The following SLC35E2B variants were observed in gnomAD, a reference collection of about 807,000 sequenced individuals.
The protein encoded by SLC35E2B is solute carrier family 35 member E2B, also known as solute carrier family 35, member E2B.
A neutral mutation model predicts 32.4 loss-of-function variants in SLC35E2B; 18 were observed. The observed-to-expected ratio is 0.56, with a 90% CI of 0.38 to 0.82. The LOEUF (loss-of-function observed/expected upper bound fraction) is 0.82. SLC35E2B is among the 40% of genes least tolerant of loss of function. SLC35E2B has a pLI of 0.00. For missense variants in SLC35E2B, 263 were observed against 469.5 expected, an observed-to-expected ratio of 0.56 and a Z score of 4.06; for synonymous variants, 132 against 209.1, an observed-to-expected ratio of 0.63 and a Z score of 3.18.
In SLC35E2B at chr1:1,665,797, G is replaced by C. The variant is rs759585358; in HGVS notation, c.1203C>G (p.Pro401=). 1 of 1,550,728 alleles carries C rather than the reference G, an allele frequency of 6.4e-7. No homozygotes were observed. The highest frequency in any genetic ancestry group is 1.2e-5 in the South Asian group (1 of 84,024). ...DTVEPLLPQD[P]RQHP The stretch of plus-strand genomic sequence containing the variant: ...CTTCCTGCTCTCAGGGATGCTGCCT[G>C]GGGTCCTGTGGAAGCAGCGGCTCCA... Residue 401 remains proline, a synonymous_variant, in exon 10 of 10, where the codon CCC becomes CCG. Coordinates refer to ENST00000617444, the MANE Select transcript of SLC35E2B (RefSeq NM_001290264.2).
rs149300447 is a variant in SLC35E2B, at chr1:1,677,528, A to C, written c.-147-682T>G. 7.1e-3 allele frequency among the ~76,000 whole-genome samples: 1,056 copies of C among 149,162 alleles called. 13 individuals carry two copies. Among genetic ancestry groups the C allele is most frequent in the African/African-American group, 0.025 (995 of 40,412 alleles). ...AGTATTGCTCTGTCGCCCAGGCTGA[A>C]GTGCAGAGGCGTGATCTGGGCTCAC... On this transcript the variant is annotated intron_variant, in intron 2 of 9. Coordinates refer to ENST00000617444, the MANE Select transcript of SLC35E2B (RefSeq NM_001290264.2).
intron 2 of SLC35E2B, among the ~76,000 whole-genome samples, chr1:1,684,453 C>T (rs1643927182): frequency 6.6e-6 from 1 of 152,128 alleles, no homozygotes; most frequent in African/African-American, 2.4e-5. Context: ...CCCAAGTGGG[C>T]CTTGGAAATT....
Position 1,675,436 on chromosome 1 carries a change from C to T in SLC35E2B, c.586+27G>A, listed in dbSNP as rs563811119. On this transcript the variant is annotated intron_variant, in intron 5 of 9. Coordinates refer to ENST00000617444, the MANE Select transcript of SLC35E2B (RefSeq NM_001290264.2). ...GAGGCCTGGGATGGTGGGGCGCAGG[C>T]GGAGGGGCGGGGCCCGGGGGCCTCA... The T allele has an allele frequency of 5.0e-5, 80 of 1,611,050 alleles. 1 individual carries two copies. Among genetic ancestry groups the T allele is most frequent in the East Asian group, 2.2e-5 (1 of 44,824 alleles).
At chr1:1,682,288 C>T (rs1459581518) in intron 2 of SLC35E2B, among the ~76,000 whole-genome samples, 1 of 152,116 alleles carries the variant, frequency 6.6e-6, no homozygotes. Flanking sequence ...GGGCTCTTCA[C>T]ACCTTCTCAT....
intron 2 of SLC35E2B, among the ~76,000 whole-genome samples, chr1:1,679,060 C>G (rs759442864): frequency 6.6e-6 from 1 of 152,172 alleles, no homozygotes; most frequent in African/African-American, 2.4e-5. Context: ...ACCTCTCCCT[C>G]CCACCTCGAA....
At chr1:1,681,186 C>T (rs1232134646) in intron 2 of SLC35E2B, among the ~76,000 whole-genome samples, 1 of 151,860 alleles carries the variant, frequency 6.6e-6, no homozygotes, top group Non-Finnish European at 1.5e-5. Flanking sequence ...TCTAGTGAGA[C>T]CTTTCTTTCC....
chr1:1,674,800 C>T (rs1229293730), intron 5 of SLC35E2B, among the ~76,000 whole-genome samples: 2 of 152,144 alleles, frequency 1.3e-5, no homozygotes, highest in Non-Finnish European at 2.9e-5. Context: ...TTCCCTCGGC[C>T]TTAAGATCTT....
chr1:1,666,045 G>A lies in SLC35E2B; in HGVS notation c.981-26C>T, dbSNP rs1054972373. ...CTGCGGAGGCAAGGGGAGGCAGCAG[G>A]GGCGCTCAGGGCTATGGTCTCCTCA... On this transcript the variant is annotated intron_variant, in intron 9 of 9. Transcript: ENST00000617444. The A allele has an allele frequency of 7.8e-6, 12 of 1,542,264 alleles. No homozygotes were observed. In the East Asian group the frequency reaches 2.7e-4, roughly 35 times the overall value.
At chr1:1,683,882 C>G (rs1485692761) in intron 2 of SLC35E2B, among the ~76,000 whole-genome samples, 2 of 152,180 alleles carry the variant, frequency 1.3e-5, no homozygotes, top group South Asian at 2.1e-4. Flanking sequence ...TATCAGAGCA[C>G]AAGTGCAAAA....
rs897624923 is a variant in SLC35E2B, at chr1:1,665,860, G to A, written c.1140C>T (p.Ser380=). ...ARQHQQEALQ[S]LAAATGRAPD... The stretch of plus-strand genomic sequence containing the variant: ...GGGCCCGGCCAGTGGCTGCAGCCAG[G>A]CTCTGCAGCGCCTCCTGCTGGTGTT... Residue 380 remains serine (S), a synonymous_variant, in exon 10 of 10, where the codon AGC becomes AGT. Transcript: ENST00000617444. 1 of 1,550,824 alleles carries A rather than the reference G, an allele frequency of 6.4e-7. No homozygotes were observed.
At chr1:1,671,837 C>T (rs539310611) in intron 5 of SLC35E2B, among the ~76,000 whole-genome samples, 2 of 152,312 alleles carry the variant, frequency 1.3e-5, no homozygotes, top group East Asian at 3.9e-4. Flanking sequence ...AAAGGTGGCG[C>T]CTTTCACTCT....
Position 1,665,576 on chromosome 1 carries a change from CTGGT to C in SLC35E2B, c.*202_*205del. On this transcript the variant is annotated 3_prime_UTR_variant, in exon 10 of 10. Coordinates refer to ENST00000617444, the MANE Select transcript of SLC35E2B (RefSeq NM_001290264.2). ...TCGGCGGACACAGTCAGCTACTGGT[CTGGT>C]CTCTACTCCAGGAAGCTGATACCTG... 1 of 742,246 alleles carries C rather than the reference CTGGT, an allele frequency of 1.3e-6. No individual in the cohort carries two copies. Among genetic ancestry groups the C allele is most frequent in the African/African-American group, 1.8e-5 (1 of 56,700 alleles). The allele number at this position is 742,246 out of a possible 1,614,324, so 46.0% of individuals were successfully genotyped here.
rs915066493 is a variant in SLC35E2B, at chr1:1,682,230, G to A, written c.-147-5384C>T. Reference sequence around the variant, plus strand: ...AAACAAGAAAATAAAGCACTTCGCCGAGGCTGACTTGGGTCACAGAGGGCC... The same window carrying A: ...AAACAAGAAAATAAAGCACTTCGCCAAGGCTGACTTGGGTCACAGAGGGCC... On this transcript the variant is annotated intron_variant, in intron 2 of 9. Transcript: ENST00000617444. Among the ~76,000 whole-genome samples the A allele has an allele frequency of 4.6e-5, 7 of 152,126 alleles. No individual in the cohort carries two copies. The South Asian group carries it at 6.2e-4, about 14-fold the overall frequency.
chr1:1,670,719 CAT>C (rs951747952), intron 6 of SLC35E2B: 3 of 152,470 alleles, frequency 2.0e-5, no homozygotes, highest in African/African-American at 7.2e-5. Context: ...CTGTGCCCAA[CAT>C]ATTTTTATTT....
rs542796356 is a variant in SLC35E2B at position 1,685,200 on chromosome 1, T to C, written c.-148+5776A>G. Among the ~76,000 whole-genome samples, 13 of 151,172 alleles carry C rather than the reference T, an allele frequency of 8.6e-5. No homozygotes were observed. The South Asian group carries it at 1.3e-3, about 15-fold the overall frequency. On this transcript the variant is annotated intron_variant, in intron 2 of 9. Coordinates refer to ENST00000617444, the MANE Select transcript of SLC35E2B (RefSeq NM_001290264.2). ...ACTTTGGGAGACCGAGGCAGGAGGA[T>C]TGCTTGAGCCCAGGAGTTCAATACC...
chr1:1,665,664 A>G lies in SLC35E2B; in HGVS notation c.*118T>C. The G allele has an allele frequency of 1.4e-6, 2 of 1,423,398 alleles. No individual in the cohort carries two copies. The highest frequency in any genetic ancestry group is 1.9e-6 in the Non-Finnish European group (2 of 1,080,882). The allele number at this position is 1,423,398 out of a possible 1,614,324, so 88.2% of individuals were successfully genotyped here. ...CGACAAACCGAGAAAGCCGCAGGCA[A>G]TGGCCAACTTAGCTCCCCATGTCCT... is the stretch of plus-strand genomic sequence containing the variant. On this transcript the variant is annotated 3_prime_UTR_variant, in exon 10 of 10. Coordinates refer to ENST00000617444, the MANE Select transcript of SLC35E2B (RefSeq NM_001290264.2).
chr1:1,687,184 G>A (rs903508061), intron 2 of SLC35E2B, among the ~76,000 whole-genome samples: 29 of 152,186 alleles, frequency 1.9e-4, no homozygotes, highest in African/African-American at 5.8e-4. Context: ...CGGGCGACAC[G>A]CACGCACACA....
intron 2 of SLC35E2B, among the ~76,000 whole-genome samples, chr1:1,677,500 C>G (rs1377341700): frequency 2.1e-5 from 3 of 141,712 alleles, no homozygotes; most frequent in Non-Finnish European, 3.0e-5. Context: ...TTTTTTGAGA[C>G]GGAGTATTGC....
intron 9 of SLC35E2B, among the ~76,000 whole-genome samples, chr1:1,666,577 T>C (rs1371251653): frequency 6.6e-6 from 1 of 152,174 alleles, no homozygotes; most frequent in Non-Finnish European, 1.5e-5. Context: ...CCCTGAGTAC[T>C]TCAGCCTGCT....
Sources: allele counts gnomAD v4.1 joint callset (sites outside exome capture counted in the v4.1 genomes callset), GRCh38; gene constraint gnomAD v4.1.1; transcripts MANE v1.5; gene names NCBI Gene and HGNC (gene_info 2026-07-23, HGNC 2026-07-21).